HCRTR2: variants seen among roughly 807,000 people sequenced by gnomAD.
HCRTR2 encodes orexin receptor type 2.
A neutral mutation model predicts 49.0 loss-of-function variants in HCRTR2; 22 were observed. That is an observed-to-expected ratio of 0.45 (90% CI 0.32 to 0.64). The LOEUF (loss-of-function observed/expected upper bound fraction) is 0.64, where lower values mean the gene tolerates loss of function less well. Ranked by LOEUF, HCRTR2 falls within the 30% of genes least tolerant of loss-of-function variation. The probability of loss-of-function intolerance (pLI) is 0.04; values close to 1 mark genes in which losing one functional copy is unlikely to be tolerated. For synonymous variants in HCRTR2, 236 were observed against 205.3 expected, an observed-to-expected ratio of 1.15 and a Z score of -1.28; for missense variants, 491 against 559.4, an observed-to-expected ratio of 0.88 and a Z score of 1.23.
downstream of HCRTR2, among the ~76,000 whole-genome samples, chr6:55,283,896 C>G (rs2127336749): frequency 6.6e-6 from 1 of 152,214 alleles, no homozygotes; most frequent in Non-Finnish European, 1.5e-5. Flanking sequence ...TTACCTTGTG[C>G]CTTTTATGAC....
chr6:55,162,382 T>A (rs1398693609), intron 1 of HCRTR2, among the ~76,000 whole-genome samples: 1 of 152,148 alleles, frequency 6.6e-6, no homozygotes, highest in African/African-American at 2.4e-5. Flanking sequence ...CCCAATATCA[T>A]ACTGAATGGG....
intron 1 of HCRTR2, among the ~76,000 whole-genome samples, chr6:55,227,978 T>G (rs1766042287): frequency 6.6e-6 from 1 of 152,150 alleles, no homozygotes; most frequent in South Asian, 2.1e-4. Flanking sequence ...GGTTATAGTC[T>G]GAAAGATGAG....
chr6:55,231,674 A>G lies in HCRTR2; in HGVS notation c.224-16965A>G, dbSNP rs191626407. Among the ~76,000 whole-genome samples, 11 of 152,278 alleles carry G rather than the reference A, an allele frequency of 7.2e-5. 3 individuals are homozygous for G. The highest frequency in any genetic ancestry group is 2.6e-4 in the African/African-American group (11 of 41,586). On this transcript the variant is annotated intron_variant, in intron 1 of 6. Transcript: ENST00000370862. ...GAGTGAAATAAAAAGAAATTGACTT[A>G]CTTGTTAAAGAGAAAAGATTGCCAA... is the stretch of plus-strand genomic sequence containing the variant.
At chr6:55,143,921 C>A (rs559230641) in intron 1 of HCRTR2, among the ~76,000 whole-genome samples, 2 of 152,214 alleles carry the variant, frequency 1.3e-5, no homozygotes, top group South Asian at 4.1e-4. Context: ...TGCTCTCAAT[C>A]TAGCCTTTTA....
At chr6:55,200,988 G>A (rs966203335) in intron 1 of HCRTR2, among the ~76,000 whole-genome samples, 1 of 151,786 alleles carries the variant, frequency 6.6e-6, no homozygotes, top group Admixed American at 6.6e-5. Flanking sequence ...TTTTTTACTT[G>A]GATAAATAAG....
intron 1 of HCRTR2, among the ~76,000 whole-genome samples, chr6:55,136,028 A>T (rs1017394309): frequency 1.3e-5 from 2 of 152,190 alleles, no homozygotes; most frequent in African/African-American, 4.8e-5. Context: ...TTAATTAATA[A>T]AGGAAATATC....
intron 1 of HCRTR2, among the ~76,000 whole-genome samples, chr6:55,134,064 T>G (rs1430779429): frequency 1.3e-5 from 2 of 151,812 alleles, no homozygotes; most frequent in African/African-American, 4.8e-5. Flanking sequence ...TCTTTTTTCT[T>G]TGATTCCCCC....
chr6:55,236,883 A>G (rs1230136784), intron 1 of HCRTR2, among the ~76,000 whole-genome samples: 1 of 152,138 alleles, frequency 6.6e-6, no homozygotes, highest in African/African-American at 2.4e-5. Context: ...TGCCTTGCCA[A>G]TATCTTTTTA....
rs896286694 is a variant in HCRTR2 at position 55,108,148 on chromosome 6, A to G, written c.-378+1603A>G. On this transcript the variant is annotated intron_variant, in intron 1 of 7. Transcript: ENST00000615358. ...ACATGCTACATGAAATCAAACTCCT[A>G]TATGATAATCAGTGGTTTTATTCTG... Among the ~76,000 whole-genome samples, 9 of 152,124 alleles carry G rather than the reference A, an allele frequency of 5.9e-5. No individual in the cohort carries two copies. In the East Asian group the frequency reaches 1.5e-3, roughly 26 times the overall value.
intron 6 of HCRTR2, 72 bp downstream of exon 6, chr6:55,280,516 C>G (rs905546254): frequency 1.8e-5 from 28 of 1,592,556 alleles, no homozygotes; most frequent in Admixed American, 3.4e-5. Context: ...CACTCTTCAA[C>G]TATATGAGGA....
Position 55,282,596 on chromosome 6 carries a change from TA to T in HCRTR2, c.*151del, listed in dbSNP as rs979702175. The T allele has an allele frequency of 3.9e-4, 232 of 593,554 alleles. 1 individual carries two copies. Among genetic ancestry groups the T allele is most frequent in the South Asian group, 8.7e-4 (43 of 49,452 alleles). The allele number at this position is 593,554 out of a possible 1,614,324, so 36.8% of individuals were successfully genotyped here. On this transcript the variant is annotated 3_prime_UTR_variant, in exon 7 of 7. Coordinates refer to ENST00000370862, the MANE Select transcript of HCRTR2 (RefSeq NM_001384272.1). Reference sequence around the variant, plus strand: ...TTTTTAATCTATTGCTCTTTGGAAATAAAAAAAAAGTCAGTTTAAAATGATT... The same window carrying T: ...TTTTTAATCTATTGCTCTTTGGAAATAAAAAAAAGTCAGTTTAAAATGATT...
At chr6:55,191,774 A>ATT (rs572538880) in intron 1 of HCRTR2, among the ~76,000 whole-genome samples, 41 of 151,270 alleles carry the variant, frequency 2.7e-4, no homozygotes, top group East Asian at 2.0e-3. Context: ...TTAGAAATGC[A>ATT]TTTTTTTTTC....
At chr6:55,134,919 T>C (rs4434473) in intron 1 of HCRTR2, among the ~76,000 whole-genome samples, 94,253 of 151,776 alleles carry the variant, frequency 0.62, 30,437 homozygotes, top group African/African-American at 0.73. Flanking sequence ...ATTTCCATAC[T>C]TTGGCAATTA....
At chr6:55,205,896 C>G (rs1338824782) in intron 1 of HCRTR2, among the ~76,000 whole-genome samples, 4 of 151,730 alleles carry the variant, frequency 2.6e-5, no homozygotes, top group African/African-American at 9.7e-5. Flanking sequence ...TTTTTTACAC[C>G]CTTATTATAA....
intron 1 of HCRTR2, among the ~76,000 whole-genome samples, chr6:55,203,227 G>A (rs750859431): frequency 1.8e-4 from 28 of 152,060 alleles, no homozygotes; most frequent in Non-Finnish European, 3.7e-4. Context: ...TTTGTACTTC[G>A]TTCCATACAT....
At chr6:55,274,239 G>GTATATATATATATATATATATATA (rs61667408) in intron 4 of HCRTR2, among the ~76,000 whole-genome samples, 25 of 119,500 alleles carry the variant, frequency 2.1e-4, no homozygotes, top group African/African-American at 7.0e-4. Flanking sequence ...ATCATTTTCA[G>GTATATATATATATATATATATATA]TATATATATA....
At chr6:55,236,261 T>C (rs1766211264) in intron 1 of HCRTR2, among the ~76,000 whole-genome samples, 1 of 152,060 alleles carries the variant, frequency 6.6e-6, no homozygotes, top group Non-Finnish European at 1.5e-5. Flanking sequence ...TTGTCAATAG[T>C]ATCATCTATT....
intron 1 of HCRTR2, among the ~76,000 whole-genome samples, chr6:55,187,238 C>G (rs969185989): frequency 2.0e-5 from 3 of 151,566 alleles, no homozygotes; most frequent in African/African-American, 7.3e-5. Flanking sequence ...AACCCCATCT[C>G]TACTAAAAAA....
chr6:55,252,680 A>G (rs889057559), intron 2 of HCRTR2, among the ~76,000 whole-genome samples: 1 of 152,098 alleles, frequency 6.6e-6, no homozygotes, highest in Non-Finnish European at 1.5e-5. Flanking sequence ...TCACTAATCA[A>G]CTTAAGCCCA....
Sources: gnomAD v4.1 joint callset for allele counts (sites outside exome capture counted in the v4.1 genomes callset) on GRCh38, gnomAD v4.1.1 for gene constraint, MANE v1.5 for transcripts, NCBI Gene and HGNC (gene_info 2026-07-23, HGNC 2026-07-21) for gene names.